PDZD2: variants seen among roughly 807,000 people sequenced by gnomAD.
The protein encoded by PDZD2 is PDZ domain-containing protein 2.
Under a neutral mutation model 220.7 loss-of-function variants are expected in PDZD2, and 90 were observed. That is an observed-to-expected ratio of 0.41 (90% CI 0.34 to 0.49). PDZD2 has a LOEUF of 0.49. Ranked by LOEUF, PDZD2 falls within the 20% of genes least tolerant of loss-of-function variation. PDZD2 has a pLI of 0.28. For missense variants in PDZD2, 3,174 were observed against 3,608.5 expected, an observed-to-expected ratio of 0.88 and a Z score of 3.08; for synonymous variants, 1,375 against 1,450.5, an observed-to-expected ratio of 0.95 and a Z score of 1.18.
At chr5:31,810,632 G>A (rs543971876) in intron 2 of PDZD2, among the ~76,000 whole-genome samples, 1 of 152,268 alleles carries the variant, frequency 6.6e-6, no homozygotes, top group East Asian at 1.9e-4. Flanking sequence ...CTTAGTTACT[G>A]TGGAAGCAGA....
At chr5:31,991,053 A>G (rs1416291503) in intron 3 of PDZD2, among the ~76,000 whole-genome samples, 1 of 152,216 alleles carries the variant, frequency 6.6e-6, no homozygotes, top group Non-Finnish European at 1.5e-5. Context: ...TCCATGAGAA[A>G]GACACTGGGC....
At chr5:31,945,822 T>C (rs192040479) in intron 2 of PDZD2, among the ~76,000 whole-genome samples, 1 of 152,158 alleles carries the variant, frequency 6.6e-6, no homozygotes, top group East Asian at 1.9e-4. Context: ...GCACAGCCAT[T>C]ATAGGGTGAT....
In PDZD2 at chr5:31,896,323, CGTGTGTGTGTGTGTGT is replaced by C. The variant is rs35229609; in HGVS notation, c.477-86803_477-86788del. ...TCATCAGATTCCTATTTGATACTCT[CGTGTGTGTGTGTGTGT>C]GTGTGTGTGTGTGTGTGTGTGTGTG... On this transcript the variant is annotated intron_variant, in intron 2 of 24. Coordinates refer to ENST00000438447, the MANE Select transcript of PDZD2 (RefSeq NM_178140.4). 3.9e-3 allele frequency among the ~76,000 whole-genome samples: 535 copies of C among 136,470 alleles called. 2 individuals are homozygous for C. Among genetic ancestry groups the C allele is most frequent in the African/African-American group, 0.013 (464 of 36,802 alleles). The allele number at this position is 136,470 out of a possible 152,430, so 89.5% of individuals were successfully genotyped here.
chr5:32,078,963 T>A (rs165958), intron 19 of PDZD2, among the ~76,000 whole-genome samples: 44,178 of 151,814 alleles, frequency 0.29, 7,163 homozygotes, highest in East Asian at 0.46. Flanking sequence ...TTTATTGAAA[T>A]TTTGGATTCT....
Position 32,074,068 on chromosome 5 carries a change from G to A in PDZD2, c.2962G>A (p.Ala988Thr), listed in dbSNP as rs201564696. The A allele has an allele frequency of 1.2e-6, 2 of 1,613,970 alleles. No homozygotes were observed. The highest frequency in any genetic ancestry group is 1.7e-6 in the Non-Finnish European group (2 of 1,179,846). Residue 988 changes from alanine (A) to threonine (T), a missense_variant, in exon 18 of 25, where the codon GCC (alanine) becomes ACC (threonine). Transcript: ENST00000438447. ...AGGGGACTGCATTTCACTCCCAGGG[G>A]CCCTCCCGGGTCCCATCAGGCCTCT... The part of the protein sequence containing the change: ...REGDCISLPG[A>T]LPGPIRPLSE...
chr5:31,996,316 G>A (rs1370305459), intron 4 of PDZD2, among the ~76,000 whole-genome samples: 3 of 152,208 alleles, frequency 2.0e-5, no homozygotes, highest in African/African-American at 4.8e-5. Flanking sequence ...AGTAGCTCAC[G>A]CCTGTAATCC....
chr5:32,010,181 G>A (rs1006722884), intron 5 of PDZD2, 149 bp from the exon 6 acceptor site: 3 of 585,906 alleles, frequency 5.1e-6, no homozygotes, highest in Admixed American at 2.5e-5. Context: ...CACACCCCTG[G>A]CCTTTGAGGT....
chr5:32,036,467 G>GT (rs1443638510), intron 6 of PDZD2, among the ~76,000 whole-genome samples: 6 of 152,164 alleles, frequency 3.9e-5, no homozygotes, highest in African/African-American at 1.4e-4. Flanking sequence ...AAGTGCATGT[G>GT]TCTCATTTTC....
chr5:31,804,361 C>G (rs1177231388), intron 2 of PDZD2, among the ~76,000 whole-genome samples: 2 of 152,150 alleles, frequency 1.3e-5, no homozygotes, highest in African/African-American at 4.8e-5. Flanking sequence ...CTCCTATTGC[C>G]TTATAACAAT....
At chr5:32,073,566 C>T (rs1296803780) in intron 17 of PDZD2, among the ~76,000 whole-genome samples, 2 of 147,588 alleles carry the variant, frequency 1.4e-5, no homozygotes, top group East Asian at 2.0e-4. Flanking sequence ...TCCAACAGCA[C>T]ACGTTTGAGT....
intron 1 of PDZD2, among the ~76,000 whole-genome samples, chr5:31,684,988 C>T (rs1746793003): frequency 6.6e-6 from 1 of 152,060 alleles, no homozygotes. Context: ...TGCTTGGTGC[C>T]AATTATTCAA....
At chr5:31,895,972 A>C (rs1404699140) in intron 2 of PDZD2, among the ~76,000 whole-genome samples, 2 of 152,046 alleles carry the variant, frequency 1.3e-5, no homozygotes, top group Non-Finnish European at 2.9e-5. Context: ...TAACCCCCCC[A>C]GCCACACTAT....
At chr5:31,764,580 T>C (rs937675109) in intron 1 of PDZD2, among the ~76,000 whole-genome samples, 4 of 152,216 alleles carry the variant, frequency 2.6e-5, no homozygotes, top group African/African-American at 9.6e-5. Flanking sequence ...GAAAGGACTT[T>C]TGTTTCCTCT....
chr5:31,754,004 C>T (rs903444441), intron 1 of PDZD2, among the ~76,000 whole-genome samples: 1 of 152,222 alleles, frequency 6.6e-6, no homozygotes, highest in Non-Finnish European at 1.5e-5. Context: ...AAGCCCGAAT[C>T]CCAGCTTCAT....
At chr5:31,831,910 T>TTA (rs1756617957) in intron 2 of PDZD2, among the ~76,000 whole-genome samples, 1 of 32,940 alleles carries the variant, frequency 3.0e-5, no homozygotes, top group Admixed American at 2.7e-4. Flanking sequence ...TGAGACTGTT[T>TTA]CAAAAAAAAA....
At chr5:31,827,944 C>T (rs568964620) in intron 2 of PDZD2, among the ~76,000 whole-genome samples, 17 of 152,292 alleles carry the variant, frequency 1.1e-4, no homozygotes, top group Admixed American at 8.5e-4. Flanking sequence ...TATAGATTTA[C>T]CTATTCCAGA....
At position 32,088,790 on chromosome 5, in the gene PDZD2, A is replaced by G. The variant is rs751501767; in HGVS notation, c.5342A>G (p.Gln1781Arg). The change falls in exon 20 of 25, where the codon CAA (glutamine) becomes CGA (arginine). Residue 1781 changes from glutamine (Q) to arginine (R), a missense_variant. Physicochemically the swap from Gln to Arg is conservative, Grantham distance 43 (BLOSUM62 1). Transcript: ENST00000438447. This position sits in a 1 kb window ranked among gnomAD's most constrained non-coding sequence, Gnocchi z 4.6. ...VLENLHISES[Q>R]DLDDLLQKPK... ...GAAAACCTCCACATCTCTGAAAGTCAAGACCTGGATGACTTGCTACAGAAA... is the reference window on the plus strand; with the variant it reads ...GAAAACCTCCACATCTCTGAAAGTCGAGACCTGGATGACTTGCTACAGAAA... The G allele has an allele frequency of 3.8e-5, 61 of 1,613,950 alleles. No homozygotes were observed. The highest frequency in any genetic ancestry group is 4.7e-5 in the Non-Finnish European group (56 of 1,179,928).
At position 31,854,876 on chromosome 5, in the gene PDZD2, G is replaced by A. The variant is rs1484922834; in HGVS notation, c.476+55152G>A. 7.9e-6 allele frequency: 5 copies of A among 634,848 alleles called. No individual in the cohort carries two copies. In the Admixed American group the frequency reaches 3.2e-4, roughly 40 times the overall value. The allele number at this position is 634,848 out of a possible 1,614,324, so 39.3% of individuals were successfully genotyped here. On this transcript the variant is annotated intron_variant, in intron 2 of 24. Transcript: ENST00000438447. ...GAGCCGAGTTTAGGATTGCATTACAGGCTTTTCCTAACCTCCTCCACCGCG... is the reference window on the plus strand; with the variant it reads ...GAGCCGAGTTTAGGATTGCATTACAAGCTTTTCCTAACCTCCTCCACCGCG...
intron 14 of PDZD2, 26 bp from the exon 15 acceptor site, chr5:32,069,543 A>G: frequency 7.7e-7 from 1 of 1,305,938 alleles, no homozygotes; most frequent in Non-Finnish European, 1.1e-6. Context: ...AAAACCATCT[A>G]ATCTTTGCTT....
Sources: gnomAD v4.1 joint callset for allele counts (sites outside exome capture counted in the v4.1 genomes callset) on GRCh38, gnomAD v4.1.1 for gene constraint, Gnocchi (gnomAD v3.1) non-coding constraint, MANE v1.5 for transcripts, NCBI Gene and HGNC (gene_info 2026-07-23, HGNC 2026-07-21) for gene names.